The following LRRFIP2 variants were observed in gnomAD, a reference collection of about 807,000 sequenced individuals.
The protein encoded by LRRFIP2 is leucine-rich repeat flightless-interacting protein 2.
A neutral mutation model predicts 125.9 loss-of-function variants in LRRFIP2; 109 were observed. The ratio of observed to expected loss-of-function variants is 0.87; its 90% CI spans 0.74 to 1.01. The LOEUF is 1.01. LRRFIP2 is among the 50% of genes least tolerant of loss of function. The pLI is 0.00. For missense variants in LRRFIP2, 850 were observed against 862.3 expected, an observed-to-expected ratio of 0.99 and a Z score of 0.18; for synonymous variants, 291 against 293.1, an observed-to-expected ratio of 0.99 and a Z score of 0.07.
chr3:37,085,008 T>C (rs1476256457), intron 18 of LRRFIP2, among the ~76,000 whole-genome samples: 1 of 152,096 alleles, frequency 6.6e-6, no homozygotes, highest in African/African-American at 2.4e-5. Context: ...TGTAACTCAA[T>C]GGGAAAAGAA....
intron 1 of LRRFIP2, among the ~76,000 whole-genome samples, chr3:37,158,867 A>G (rs1338500872): frequency 1.3e-5 from 2 of 152,180 alleles, no homozygotes; most frequent in Non-Finnish European, 2.9e-5. Context: ...ACAAATATTT[A>G]CTGAGAATTT....
rs542551483 is a variant in LRRFIP2, at chr3:37,115,751, C to T, written c.331-656G>A. On this transcript the variant is annotated intron_variant, in intron 6 of 27. Coordinates refer to ENST00000336686, the MANE Select transcript of LRRFIP2 (RefSeq NM_006309.4). ...AAATCAAAGAAAAATATACAAAACT[C>T]GTAAGACCAGAACACCCACATTTCA... Among the ~76,000 whole-genome samples the T allele has an allele frequency of 4.3e-4, 65 of 152,254 alleles. 1 individual carries two copies. The South Asian group carries it at 6.2e-3, about 15-fold the overall frequency.
intron 25 of LRRFIP2, among the ~76,000 whole-genome samples, chr3:37,056,589 G>A (rs2086940681): frequency 1.3e-5 from 2 of 151,964 alleles, no homozygotes; most frequent in South Asian, 4.1e-4. Context: ...GAGTAGCTGG[G>A]ACTACAGGCA....
intron 19 of LRRFIP2, among the ~76,000 whole-genome samples, chr3:37,081,731 G>C (rs953250894): frequency 1.3e-5 from 2 of 151,036 alleles, no homozygotes; most frequent in African/African-American, 2.4e-5. Flanking sequence ...AAAAAAATTT[G>C]TCTTTAATTA....
At chr3:37,090,072 T>C (rs1195622257) in intron 18 of LRRFIP2, among the ~76,000 whole-genome samples, 1 of 152,218 alleles carries the variant, frequency 6.6e-6, no homozygotes, top group African/African-American at 2.4e-5. Context: ...GTTTGGCTGA[T>C]AGTGGCGCTA....
intron 1 of LRRFIP2, among the ~76,000 whole-genome samples, chr3:37,163,893 G>GATAA (rs1397242205): frequency 3.9e-5 from 6 of 152,166 alleles, no homozygotes; most frequent in African/African-American, 1.4e-4. Flanking sequence ...AAACTTCTAG[G>GATAA]ATAAATGTAA....
At chr3:37,074,452 A>G (rs1420646626) in intron 20 of LRRFIP2, among the ~76,000 whole-genome samples, 1 of 152,226 alleles carries the variant, frequency 6.6e-6, no homozygotes, top group African/African-American at 2.4e-5. Context: ...CATGCAATGT[A>G]GCAGGCCTGC....
chr3:37,165,616 G>A (rs2096461181), intron 1 of LRRFIP2, among the ~76,000 whole-genome samples: 1 of 151,954 alleles, frequency 6.6e-6, no homozygotes, highest in Non-Finnish European at 1.5e-5. Context: ...GCTGGGCGTG[G>A]TGGCAGGTGC....
chr3:37,104,711 A>G (rs1174917146), intron 14 of LRRFIP2, among the ~76,000 whole-genome samples: 1 of 152,262 alleles, frequency 6.6e-6, no homozygotes, highest in African/African-American at 2.4e-5. Flanking sequence ...AAGCTTCATT[A>G]AAGAATAACC....
intron 1 of LRRFIP2, among the ~76,000 whole-genome samples, chr3:37,161,582 A>G (rs1245038039): frequency 6.6e-6 from 1 of 152,146 alleles, no homozygotes; most frequent in African/African-American, 2.4e-5. Context: ...AGTGACTGCT[A>G]TGGTATGAAG....
upstream of LRRFIP2, among the ~76,000 whole-genome samples, chr3:37,175,385 T>C (rs1276770208): frequency 6.6e-6 from 1 of 152,228 alleles, no homozygotes; most frequent in Non-Finnish European, 1.5e-5. Flanking sequence ...TATCTAGCCA[T>C]GTCTCAGCAG....
chr3:37,062,334 T>C (rs1473737381), intron 24 of LRRFIP2, among the ~76,000 whole-genome samples: 1 of 152,142 alleles, frequency 6.6e-6, no homozygotes, highest in Non-Finnish European at 1.5e-5. Flanking sequence ...GCATGTTAAA[T>C]AGTAGAATCT....
Position 37,121,627 on chromosome 3 carries a change from T to A in LRRFIP2, c.285+8A>T. The A allele has an allele frequency of 6.2e-7, 1 of 1,614,138 alleles. No homozygotes were observed. The highest frequency in any genetic ancestry group is 1.7e-5 in the Admixed American group (1 of 60,018). On this transcript the variant is annotated splice_region_variant and intron_variant, in intron 5 of 27. Coordinates refer to ENST00000336686, the MANE Select transcript of LRRFIP2 (RefSeq NM_006309.4). ...GTATTAGAGGCAAGTGTATAGGTTA[T>A]TACAAACCAGATAAGGACGATGGTG... is the stretch of plus-strand genomic sequence containing the variant.
intron 1 of LRRFIP2, among the ~76,000 whole-genome samples, chr3:37,159,588 C>CCTCCTTCTCCCTGACTCAAGCAATT (rs2096280466): frequency 6.6e-6 from 1 of 151,844 alleles, no homozygotes; most frequent in Non-Finnish European, 1.5e-5. Context: ...CTCAGTGTAA[C>CCTCCTTCTCCCTGACTCAAGCAATT]CTCCTTCTCC....
intron 1 of LRRFIP2, among the ~76,000 whole-genome samples, chr3:37,162,296 A>C (rs993908760): frequency 6.6e-6 from 1 of 152,160 alleles, no homozygotes; most frequent in African/African-American, 2.4e-5. Context: ...CTGAGTTCAC[A>C]CCAAGGTATA....
chr3:37,060,290 TTTTTGTTTTG>T lies in LRRFIP2; in HGVS notation c.1750-1390_1750-1381del, dbSNP rs146997502. ...GCTTCTGCAGCTCTCTCAAACACTG[TTTTTGTTTTG>T]TTTTGTTTTGTTTTGTTTGTTTGTT... On this transcript the variant is annotated intron_variant, in intron 24 of 27. Transcript: ENST00000336686. The surrounding 1 kb of genome is among the most constrained non-coding windows in gnomAD (Gnocchi z 4.1). Among the ~76,000 whole-genome samples, 6 of 151,684 alleles carry T rather than the reference TTTTTGTTTTG, an allele frequency of 4.0e-5. No individual in the cohort carries two copies. The highest frequency in any genetic ancestry group is 7.3e-5 in the African/African-American group (3 of 41,318).
intron 1 of LRRFIP2, among the ~76,000 whole-genome samples, chr3:37,167,763 C>T (rs1578062633): frequency 6.6e-6 from 1 of 151,870 alleles, no homozygotes; most frequent in East Asian, 1.9e-4. Context: ...GCTGGCGGAG[C>T]TCAGGAGTTT....
At chr3:37,106,492 T>C (rs990456493) in intron 13 of LRRFIP2, among the ~76,000 whole-genome samples, 35 of 152,130 alleles carry the variant, frequency 2.3e-4, no homozygotes, top group Non-Finnish European at 4.3e-4. Flanking sequence ...AGCCAGCCTA[T>C]AAGGACAAGA....
intron 1 of LRRFIP2, among the ~76,000 whole-genome samples, chr3:37,153,330 G>A (rs372443803): frequency 6.6e-6 from 1 of 152,078 alleles, no homozygotes; most frequent in African/African-American, 2.4e-5. Flanking sequence ...GGTCAACGCT[G>A]CAGTGAGCCA....
Sources: gnomAD v4.1 joint callset for allele counts (sites outside exome capture counted in the v4.1 genomes callset) on GRCh38, gnomAD v4.1.1 for gene constraint, Gnocchi (gnomAD v3.1) non-coding constraint, MANE v1.5 for transcripts, NCBI Gene and HGNC (gene_info 2026-07-23, HGNC 2026-07-21) for gene names.